Variants in KRT35 observed in about 807,000 individuals in gnomAD.
KRT35 encodes the protein keratin 35.
Under a neutral mutation model 42.2 loss-of-function variants are expected in KRT35, and 33 were observed. The observed-to-expected ratio is 0.78, with a 90% CI of 0.59 to 1.05. The LOEUF (loss-of-function observed/expected upper bound fraction) is 1.05, where lower values mean the gene tolerates loss of function less well. Among genes scored for constraint, KRT35 ranks in the 50% least tolerant of loss-of-function variants. KRT35 has a pLI of 0.00. For synonymous variants in KRT35, 218 were observed against 238.2 expected (o/e 0.92, Z 0.78); for missense variants, 585 against 589.2 (o/e 0.99, Z 0.07).
At position 41,478,830 on chromosome 17, in the gene KRT35, C is replaced by T. The variant is rs753418270; in HGVS notation, c.873+4G>A. On this transcript the variant is annotated splice_donor_region_variant and intron_variant, in intron 4 of 6. Coordinates refer to ENST00000246639, the MANE Select transcript of KRT35 (RefSeq NM_002280.6). ...TGTTGCACTGACTGTTTCCAGGTAC[C>T]TACCTGGGTGTCCAACCAGTCTTCA... 7.0e-5 allele frequency: 113 copies of T among 1,611,422 alleles called. No individual in the cohort carries two copies. Among genetic ancestry groups the T allele is most frequent in the Middle Eastern group, 6.6e-4 (4 of 6,070 alleles).
intron 2 of KRT35, 79 bp from the exon 3 acceptor site, chr17:41,479,582 T>C: frequency 6.3e-7 from 1 of 1,576,696 alleles, no homozygotes; most frequent in Non-Finnish European, 8.7e-7. Context: ...ACTGTCCAGG[T>C]GCTGTGAGTC....
chr17:41,480,393 A>C (rs1287281082), intron 1 of KRT35, among the ~76,000 whole-genome samples: 1 of 150,876 alleles, frequency 6.6e-6, no homozygotes, highest in African/African-American at 2.5e-5. Flanking sequence ...CCTGATGTTC[A>C]AGCTCTGGCT....
At position 41,480,867 on chromosome 17, in the gene KRT35, G is replaced by A. The variant is rs771735371; in HGVS notation, c.231C>T (p.Phe77=). 174 of 1,614,034 alleles carry A rather than the reference G, an allele frequency of 1.1e-4. No individual in the cohort carries two copies. The highest frequency in any genetic ancestry group is 1.4e-4 in the Non-Finnish European group (160 of 1,179,900). ...CCCCACCCCCACTGTAGCTGGTAGCGAAGCCTCCAGCAGGGAGGCAGAGAG... is the reference window on the plus strand; with the variant it reads ...CCCCACCCCCACTGTAGCTGGTAGCAAAGCCTCCAGCAGGGAGGCAGAGAG... The part of the protein sequence containing the change: ...LPALCLPAGG[F]ATSYSGGGGW... Residue 77 remains phenylalanine (F), a synonymous_variant, in exon 1 of 7, where the codon TTC becomes TTT. Transcript: ENST00000246639.
chr17:41,477,420 C>A, intron 6 of KRT35, 98 bp downstream of exon 6: 1 of 1,515,428 alleles, frequency 6.6e-7, no homozygotes, highest in South Asian at 1.3e-5. Flanking sequence ...AACAGAACTC[C>A]AGACTCCGAA....
In KRT35 at chr17:41,481,120, T is replaced by C. The variant is rs760557238; in HGVS notation, c.-23A>G. The C allele has an allele frequency of 2.6e-6, 4 of 1,542,138 alleles. No homozygotes were observed. Among genetic ancestry groups the C allele is most frequent in the Non-Finnish European group, 2.6e-6 (3 of 1,134,352 alleles). Reference sequence around the variant, plus strand: ...CATGGCCCCTGCAACTCAGATGCAATTGATAGGTCTCTGAGGCCAGACACC... The same window carrying C: ...CATGGCCCCTGCAACTCAGATGCAACTGATAGGTCTCTGAGGCCAGACACC... On this transcript the variant is annotated 5_prime_UTR_variant, in exon 1 of 7. Coordinates refer to ENST00000246639, the MANE Select transcript of KRT35 (RefSeq NM_002280.6).
intron 5 of KRT35, 55 bp from the exon 6 acceptor site, chr17:41,477,793 C>A: frequency 6.5e-7 from 1 of 1,548,364 alleles, no homozygotes. Flanking sequence ...AGAGAAGGAG[C>A]AAGGAAGGAA....
In KRT35 at chr17:41,477,756, G is replaced by A; in HGVS notation, c.1000-18C>T. 6.2e-7 allele frequency: 1 copy of A among 1,607,174 alleles called. No individual in the cohort carries two copies. Among genetic ancestry groups the A allele is most frequent in the Non-Finnish European group, 8.5e-7 (1 of 1,174,872 alleles). On this transcript the variant is annotated intron_variant, in intron 5 of 6. Coordinates refer to ENST00000246639, the MANE Select transcript of KRT35 (RefSeq NM_002280.6). ...GCATCTCTCTGTGAGGGCAAGAGTTGTGTAGGGAGGAAAAAGGCTAGAGGT... is the reference window on the plus strand; with the variant it reads ...GCATCTCTCTGTGAGGGCAAGAGTTATGTAGGGAGGAAAAAGGCTAGAGGT...
intron 1 of KRT35, 145 bp downstream of exon 1, chr17:41,480,482 C>T (rs1039919719): frequency 2.9e-5 from 19 of 661,616 alleles, no homozygotes; most frequent in Non-Finnish European, 4.7e-5. Flanking sequence ...TGATACCTCC[C>T]TCTTAAGGTT....
At position 41,479,008 on chromosome 17, in the gene KRT35, C is replaced by T. The variant is rs756081968; in HGVS notation, c.712-13G>A. The T allele has an allele frequency of 2.4e-5, 39 of 1,605,268 alleles. No homozygotes were observed. The highest frequency in any genetic ancestry group is 5.1e-5 in the Admixed American group (3 of 59,120). The stretch of plus-strand genomic sequence containing the variant: ...GTGAGTTCACTTCCTATAGCACAGA[C>T]CAGGATGAGTACTAATTCCCAGAGG... On this transcript the variant is annotated splice_polypyrimidine_tract_variant and intron_variant, in intron 3 of 6. Coordinates refer to ENST00000246639, the MANE Select transcript of KRT35 (RefSeq NM_002280.6).
At chr17:41,479,264 C>G (rs2019221867) in intron 3 of KRT35, 83 bp downstream of exon 3, 3 of 1,320,202 alleles carry the variant, frequency 2.3e-6, no homozygotes, top group South Asian at 1.3e-5. Flanking sequence ...TCACCTCATC[C>G]CCAATGCTCA....
chr17:41,481,063 G>A lies in KRT35; in HGVS notation c.35C>T (p.Ser12Phe), dbSNP rs1293309415. 6.2e-7 allele frequency: 1 copy of A among 1,612,610 alleles called. No individual in the cohort carries two copies. The highest frequency in any genetic ancestry group is 8.5e-7 in the Non-Finnish European group (1 of 1,179,522). ...ASKCLKAGFS[S>F]GSLKSPGGAS... ...CCCTCCTGGGCTCTTGAGAGACCCAGAAGAGAAGCCGGCCTTGAGGCATTT... is the reference window on the plus strand; with the variant it reads ...CCCTCCTGGGCTCTTGAGAGACCCAAAAGAGAAGCCGGCCTTGAGGCATTT... The change falls in exon 1 of 7, where the codon TCT (serine) becomes TTT (phenylalanine). Residue 12 changes from serine to phenylalanine, a missense_variant. By Grantham distance (155) the Ser-to-Phe change is radical. Coordinates refer to ENST00000246639, the MANE Select transcript of KRT35 (RefSeq NM_002280.6).
chr17:41,477,254 A>G, intron 6 of KRT35, 51 bp from the exon 7 acceptor site: 1 of 1,597,110 alleles, frequency 6.3e-7, no homozygotes, highest in Non-Finnish European at 8.6e-7. Flanking sequence ...TGTTTGCAGT[A>G]ACTCAAAGTA....
rs779456752 is a variant in KRT35 at position 41,479,460 on chromosome 17, T to C, written c.598A>G (p.Ile200Val). 1.2e-5 allele frequency: 20 copies of C among 1,614,096 alleles called. No individual in the cohort carries two copies. Among genetic ancestry groups the C allele is most frequent in the Non-Finnish European group, 1.4e-5 (17 of 1,180,040 alleles). Reference protein sequence around the residue: ...VSLRQLVESDINGLRRILDDL... With the variant: ...VSLRQLVESDVNGLRRILDDL... ...TCCAGGATCCTGCGCAGGCCGTTGA[T>C]GTCTGACTCCACCAGCTGCCGCAGG... The change falls in exon 3 of 7, where the codon ATC becomes GTC. Residue 200 changes from isoleucine to valine, a missense_variant. By Grantham distance (29) the Ile-to-Val change is conservative (BLOSUM62 3). Coordinates refer to ENST00000246639, the MANE Select transcript of KRT35 (RefSeq NM_002280.6).
rs754112075 is a variant in KRT35 at position 41,477,669 on chromosome 17, A to T, written c.1069T>A (p.Cys357Ser). ...RYSSQLAQMQCMITNVEAQLA... is the reference protein window; with the variant it reads ...RYSSQLAQMQSMITNVEAQLA... ...TGGGCCTCCACGTTGGTGATCATGC[A>T]CTGCATCTGGGCCAGCTGGGAGCTA... Residue 357 changes from cysteine to serine, a missense_variant, in exon 6 of 7, where the codon TGC becomes AGC. Cys to Ser is a moderately radical substitution (Grantham distance 112, BLOSUM62 -1). Coordinates refer to ENST00000246639, the MANE Select transcript of KRT35 (RefSeq NM_002280.6). 6.2e-7 allele frequency: 1 copy of T among 1,614,176 alleles called. No homozygotes were observed. The highest frequency in any genetic ancestry group is 2.2e-5 in the East Asian group (1 of 44,870).
At position 41,477,574 on chromosome 17, in the gene KRT35, G is replaced by T; in HGVS notation, c.1164C>A (p.Ala388=). Reference sequence around the variant, plus strand: ...ACGTGTTGATCTCACACTCCAGCCGGGCCCGGACGTCCAGCAGCACCTGGT... The same window carrying T: ...ACGTGTTGATCTCACACTCCAGCCGTGCCCGGACGTCCAGCAGCACCTGGT... ...QEYQVLLDVR[A]RLECEINTYR... The change falls in exon 6 of 7, where the codon GCC becomes GCA. Residue 388 remains alanine (A), a synonymous_variant. Coordinates refer to ENST00000246639, the MANE Select transcript of KRT35 (RefSeq NM_002280.6). The T allele has an allele frequency of 6.2e-7, 1 of 1,613,616 alleles. No homozygotes were observed. Among genetic ancestry groups the T allele is most frequent in the Non-Finnish European group, 8.5e-7 (1 of 1,179,916 alleles).
At chr17:41,479,864 T>A (rs965667998) in intron 1 of KRT35, 83 bp from the exon 2 acceptor site, 17 of 1,163,190 alleles carry the variant, frequency 1.5e-5, no homozygotes, top group Non-Finnish European at 2.2e-5. Flanking sequence ...GGGCTGACTC[T>A]GGAAGGAGGA....
At chr17:41,479,884 T>C in intron 1 of KRT35, 103 bp from the exon 2 acceptor site, 1 of 864,524 alleles carries the variant, frequency 1.2e-6, no homozygotes, top group Non-Finnish European at 1.9e-6. Context: ...AAGTCACCCA[T>C]CCTAGACCTC....
chr17:41,480,778 C>T lies in KRT35; in HGVS notation c.320G>A (p.Arg107His), dbSNP rs370278283. ...CACCTTCTCCAGGTAGCCGGCCAGG[C>T]GGTCGTTCAGGGATTGCATGGTCTC... The part of the protein sequence containing the change: ...EKETMQSLND[R>H]LAGYLEKVRQ... The change falls in exon 1 of 7, where the codon CGC becomes CAC. Residue 107 changes from arginine (R) to histidine (H), a missense_variant. Arg to His is a conservative substitution (Grantham distance 29). Coordinates refer to ENST00000246639, the MANE Select transcript of KRT35 (RefSeq NM_002280.6). 18 of 1,614,190 alleles carry T rather than the reference C, an allele frequency of 1.1e-5. No homozygotes were observed. The East Asian group carries it at 2.5e-4, about 22-fold the overall frequency.
Position 41,478,887 on chromosome 17 carries a change from C to T in KRT35, c.820G>A (p.Glu274Lys), listed in dbSNP as rs777242719. The T allele has an allele frequency of 6.2e-7, 1 of 1,614,064 alleles. No individual in the cohort carries two copies. Among genetic ancestry groups the T allele is most frequent in the Admixed American group, 1.7e-5 (1 of 60,012 alleles). The part of the protein sequence containing the change: ...RVLEEMRCQY[E>K]TLVENNRRDA... ...CGGCGGTTATTCTCCACCAGGGTTT[C>T]ATACTGGCACCTCATCTCCTCCAGA... Residue 274 changes from glutamate to lysine, a missense_variant, in exon 4 of 7, where the codon GAA becomes AAA. Coordinates refer to ENST00000246639, the MANE Select transcript of KRT35 (RefSeq NM_002280.6).
Sources: allele counts gnomAD v4.1 joint callset (sites outside exome capture counted in the v4.1 genomes callset), GRCh38; gene constraint gnomAD v4.1.1; transcripts MANE v1.5; gene names NCBI Gene and HGNC (gene_info 2026-07-23, HGNC 2026-07-21).